The following PLD5 variants were observed in gnomAD, a reference collection of about 807,000 sequenced individuals.
PLD5 encodes the protein inactive phospholipase D5.
A neutral mutation model predicts 61.1 loss-of-function variants in PLD5; 36 were observed. The observed-to-expected ratio is 0.59, with a 90% confidence interval of 0.45 to 0.78. The LOEUF (loss-of-function observed/expected upper bound fraction) is 0.78, where lower values mean the gene tolerates loss of function less well. Ranked by LOEUF, PLD5 falls within the 30% of genes least tolerant of loss-of-function variation. PLD5 has a pLI of 0.00. For synonymous variants in PLD5, 243 were observed against 242.8 expected, an observed-to-expected ratio of 1.00 and a Z score of -0.01; for missense variants, 515 against 644.4, an observed-to-expected ratio of 0.80 and a Z score of 2.17.
chr1:242,184,995 A>G (rs1263772417), intron 5 of PLD5, among the ~76,000 whole-genome samples: 1 of 152,204 alleles, frequency 6.6e-6, no homozygotes, highest in Admixed American at 6.5e-5. Flanking sequence ...TCCTCCCTGT[A>G]GCAGGCTTCT....
intron 1 of PLD5, among the ~76,000 whole-genome samples, chr1:242,363,284 G>A (rs1661170375): frequency 6.6e-6 from 1 of 151,702 alleles, no homozygotes; most frequent in Non-Finnish European, 1.5e-5. Context: ...GAAAGGTACT[G>A]TCTGGAAAAT....
chr1:242,264,351 C>T (rs1362646919), intron 4 of PLD5, among the ~76,000 whole-genome samples: 3 of 152,146 alleles, frequency 2.0e-5, no homozygotes, highest in Non-Finnish European at 4.4e-5. Flanking sequence ...AAAACATGTG[C>T]ATGGTGGTAG....
chr1:242,283,770 T>G (rs1674856017), intron 3 of PLD5, among the ~76,000 whole-genome samples: 2 of 152,088 alleles, frequency 1.3e-5, no homozygotes, highest in Admixed American at 1.3e-4. Context: ...TTGGTAAAGA[T>G]AAAAGGGCAC....
chr1:242,207,884 A>ATATATAT (rs1307193976), intron 5 of PLD5, among the ~76,000 whole-genome samples: 2 of 28,622 alleles, frequency 7.0e-5, no homozygotes, highest in African/African-American at 1.5e-4. Context: ...ATATTTATAT[A>ATATATAT]TTTATATATA....
chr1:242,168,876 C>A (rs1397294534), intron 5 of PLD5, among the ~76,000 whole-genome samples: 1 of 111,586 alleles, frequency 9.0e-6, no homozygotes, highest in African/African-American at 4.4e-5. Flanking sequence ...TACCACCCCC[C>A]ATGATTCCAT....
At position 242,088,475 on chromosome 1, in the gene PLD5, A is replaced by G. The variant is rs1659576168; in HGVS notation, c.*1379T>C. The G allele has an allele frequency of 6.6e-6, 1 of 152,368 alleles. No homozygotes were observed. The highest frequency in any genetic ancestry group is 2.4e-5 in the African/African-American group (1 of 41,590). 9.4% of individuals were successfully genotyped at this position (152,368 alleles called of 1,614,324 possible). ...CATTTATATAGGTTCTTTTGATTTCAAAACAAGTTATAAATATTTCCTACC... is the reference window on the plus strand; with the variant it reads ...CATTTATATAGGTTCTTTTGATTTCGAAACAAGTTATAAATATTTCCTACC... On this transcript the variant is annotated 3_prime_UTR_variant, in exon 10 of 10. Transcript: ENST00000536534.
rs141831476 is a variant in PLD5, at chr1:242,120,718, T to C, written c.933+3750A>G. Among the ~76,000 whole-genome samples, 51 of 152,328 alleles carry C rather than the reference T, an allele frequency of 3.3e-4. No homozygotes were observed. In the East Asian group the frequency reaches 9.6e-3, roughly 29 times the overall value. On this transcript the variant is annotated intron_variant, in intron 6 of 9. Transcript: ENST00000536534. ...AGATCAATAAAAACAGACCTTGAAC[T>C]AGTCTTTTATCTTGGAAAGCAATTG...
chr1:242,428,544 T>G (rs1665552583), intron 1 of PLD5, among the ~76,000 whole-genome samples: 1 of 152,206 alleles, frequency 6.6e-6, no homozygotes, highest in African/African-American at 2.4e-5. Flanking sequence ...TCAGGTTATC[T>G]TTCAAATTCA....
At chr1:242,484,121 T>C (rs980795701) in intron 1 of PLD5, among the ~76,000 whole-genome samples, 2 of 152,086 alleles carry the variant, frequency 1.3e-5, no homozygotes, top group East Asian at 3.9e-4. Context: ...AGATCCAAAA[T>C]TGACACCCTA....
At chr1:242,278,410 A>G (rs1230913799) in intron 3 of PLD5, among the ~76,000 whole-genome samples, 1 of 152,236 alleles carries the variant, frequency 6.6e-6, no homozygotes, top group African/African-American at 2.4e-5. Context: ...AACTCTTACT[A>G]ATGATAATGC....
At chr1:242,254,253 G>A (rs2653186) in intron 4 of PLD5, among the ~76,000 whole-genome samples, 22 of 149,554 alleles carry the variant, frequency 1.5e-4, no homozygotes, top group Middle Eastern at 3.5e-3. Context: ...CTAACAGTTC[G>A]TTATGAGGTA....
intron 5 of PLD5, among the ~76,000 whole-genome samples, chr1:242,149,857 C>G (rs1443350762): frequency 2.6e-5 from 4 of 151,428 alleles, no homozygotes; most frequent in African/African-American, 9.7e-5. Flanking sequence ...TGATTTGTGT[C>G]TTCTCTCCTT....
At position 242,256,352 on chromosome 1, in the gene PLD5, T is replaced by C. The variant is rs1673013452; in HGVS notation, c.607+8985A>G. On this transcript the variant is annotated intron_variant, in intron 4 of 9. Coordinates refer to ENST00000536534, the MANE Select transcript of PLD5 (RefSeq NM_001372062.1). This position sits in a 1 kb window ranked among gnomAD's most constrained non-coding sequence, Gnocchi z 5.7. ...TTAAAATCTCATGGGGAGAAAAATC[T>C]GAAGATCTATTTCTCTATCTGATTT... Among the ~76,000 whole-genome samples the C allele has an allele frequency of 6.6e-6, 1 of 152,236 alleles. No homozygotes were observed. Among genetic ancestry groups the C allele is most frequent in the South Asian group, 2.1e-4 (1 of 4,824 alleles).
At chr1:242,385,630 C>T in intron 1 of PLD5, among the ~76,000 whole-genome samples, 1 of 152,090 alleles carries the variant, frequency 6.6e-6, no homozygotes, top group South Asian at 2.1e-4. Flanking sequence ...ACCCCCACGA[C>T]CTGGTGTTGG....
At chr1:242,283,220 C>T (rs1022511082) in intron 3 of PLD5, among the ~76,000 whole-genome samples, 1 of 152,132 alleles carries the variant, frequency 6.6e-6, no homozygotes, top group East Asian at 1.9e-4. Flanking sequence ...GAGACCAGAT[C>T]AATAAAATGT....
At chr1:242,326,641 A>G (rs1340992224) in intron 2 of PLD5, among the ~76,000 whole-genome samples, 3 of 151,878 alleles carry the variant, frequency 2.0e-5, no homozygotes, top group Non-Finnish European at 4.4e-5. Flanking sequence ...AAAGATCTTG[A>G]TATTTTCCTT....
At chr1:242,377,331 A>T (rs573849424) in intron 1 of PLD5, 1 of 1,606,936 alleles carries the variant, frequency 6.2e-7, no homozygotes, top group African/African-American at 1.3e-5. Context: ...ATTGATTTTC[A>T]GCTTTTTCAG....
chr1:242,154,169 T>C (rs1450504619), intron 5 of PLD5, among the ~76,000 whole-genome samples: 2 of 152,040 alleles, frequency 1.3e-5, no homozygotes, highest in Non-Finnish European at 2.9e-5. Context: ...GTATAAGAAT[T>C]CTTGTGATTT....
intron 1 of PLD5, among the ~76,000 whole-genome samples, chr1:242,427,218 GTATAT>G (rs527313181): frequency 3.0e-4 from 46 of 152,288 alleles, no homozygotes; most frequent in African/African-American, 7.5e-4. Flanking sequence ...GTTATTATCA[GTATAT>G]TATGTCATTC....
Sources: gnomAD v4.1 joint callset for allele counts (sites outside exome capture counted in the v4.1 genomes callset) on GRCh38, gnomAD v4.1.1 for gene constraint, Gnocchi (gnomAD v3.1) non-coding constraint, MANE v1.5 for transcripts, NCBI Gene and HGNC (gene_info 2026-07-23, HGNC 2026-07-21) for gene names.